The following NAALADL2 variants were observed in gnomAD, a reference collection of about 807,000 sequenced individuals.
NAALADL2 encodes inactive N-acetylated-alpha-linked acidic dipeptidase-like protein 2.
A neutral mutation model predicts 87.2 loss-of-function variants in NAALADL2; 76 were observed. The observed-to-expected ratio is 0.87, with a 90% confidence interval of 0.72 to 1.05. The LOEUF is 1.05. NAALADL2 is among the 50% of genes least tolerant of loss of function. The pLI, the probability that NAALADL2 is intolerant of heterozygous loss-of-function variation, is 0.00. For synonymous variants in NAALADL2, 354 were observed against 331.0 expected (o/e 1.07, Z -0.75); for missense variants, 1,089 against 945.8 (o/e 1.15, Z -1.99).
chr3:175,628,825 G>GTGTC (rs1302878910), intron 11 of NAALADL2, among the ~76,000 whole-genome samples: 1 of 150,352 alleles, frequency 6.7e-6, no homozygotes, highest in Non-Finnish European at 1.5e-5. Context: ...ACTAGAGCCT[G>GTGTC]TGTCTGTCTT....
At chr3:175,607,350 GTATAA>G (rs1420017039) in intron 10 of NAALADL2, among the ~76,000 whole-genome samples, 4 of 152,108 alleles carry the variant, frequency 2.6e-5, no homozygotes, top group African/African-American at 9.7e-5. Context: ...AGTAGTATGT[GTATAA>G]TTCATAATTA....
At chr3:175,737,937 C>T (rs1744738845) in intron 12 of NAALADL2, among the ~76,000 whole-genome samples, 1 of 151,840 alleles carries the variant, frequency 6.6e-6, no homozygotes, top group African/African-American at 2.4e-5. Context: ...TTGAATATAT[C>T]TCTCTCAGCA....
intron 3 of NAALADL2, 145 bp downstream of exon 3, chr3:175,234,349 G>A: frequency 1.2e-6 from 1 of 862,438 alleles, no homozygotes; most frequent in Non-Finnish European, 1.8e-6. Flanking sequence ...GGAAAGAGAA[G>A]GAAGATGTGG....
chr3:175,209,654 C>T (rs1161101333), intron 2 of NAALADL2, among the ~76,000 whole-genome samples: 2 of 151,846 alleles, frequency 1.3e-5, no homozygotes, highest in Non-Finnish European at 2.9e-5. Flanking sequence ...AGGAATAATA[C>T]ATGCTGCCAG....
chr3:175,516,188 A>G, intron 9 of NAALADL2, among the ~76,000 whole-genome samples: 1 of 152,216 alleles, frequency 6.6e-6, no homozygotes, highest in Non-Finnish European at 1.5e-5. Flanking sequence ...GTTGTCACTA[A>G]CATGCATAAG....
chr3:175,333,990 A>T (rs1247366937), intron 5 of NAALADL2, among the ~76,000 whole-genome samples: 1 of 152,126 alleles, frequency 6.6e-6, no homozygotes, highest in African/African-American at 2.4e-5. Context: ...TAACAATAAA[A>T]ATTGTCCAAT....
intron 11 of NAALADL2, among the ~76,000 whole-genome samples, chr3:175,667,239 GAAAA>G (rs58198155): frequency 0.043 from 3,553 of 82,010 alleles, 84 homozygotes; most frequent in Middle Eastern, 0.078. Flanking sequence ...AAGAAAGAAA[GAAAA>G]AGAAAGAAAG....
At chr3:175,246,600 A>T (rs1387572591) in intron 3 of NAALADL2, among the ~76,000 whole-genome samples, 1 of 152,160 alleles carries the variant, frequency 6.6e-6, no homozygotes, top group East Asian at 1.9e-4. Context: ...CCACAGGTGG[A>T]CTGTACCGGG....
At chr3:175,059,022 A>T (rs1309165149) in intron 1 of NAALADL2, among the ~76,000 whole-genome samples, 1 of 152,170 alleles carries the variant, frequency 6.6e-6, no homozygotes, top group Non-Finnish European at 1.5e-5. Flanking sequence ...TTGCTTTATA[A>T]TGGGTTTCTT....
chr3:174,814,158 G>T (rs1720526350), intron 3 of NAALADL2, among the ~76,000 whole-genome samples: 1 of 151,654 alleles, frequency 6.6e-6, no homozygotes, highest in Admixed American at 6.6e-5. Context: ...TCCCAGGCTG[G>T]AGTGCAGTGG....
At chr3:175,409,335 G>T (rs13083344) in intron 5 of NAALADL2, among the ~76,000 whole-genome samples, 124,389 of 151,656 alleles carry the variant, frequency 0.82, 51,315 homozygotes, top group African/African-American at 0.9. Flanking sequence ...ACCTACTTGT[G>T]GCAAAAGTTG....
intron 2 of NAALADL2, among the ~76,000 whole-genome samples, chr3:174,598,725 A>C (rs1718157848): frequency 6.6e-6 from 1 of 152,310 alleles, no homozygotes; most frequent in East Asian, 1.9e-4. Context: ...AGTTAACCAA[A>C]GAGAAGTCGA....
intron 1 of NAALADL2, among the ~76,000 whole-genome samples, chr3:175,021,703 G>T (rs1751581400): frequency 1.3e-5 from 2 of 152,022 alleles, no homozygotes; most frequent in African/African-American, 4.8e-5. Flanking sequence ...TTGTTGTATT[G>T]CTCTTTAATA....
intron 9 of NAALADL2, among the ~76,000 whole-genome samples, chr3:175,536,788 C>G (rs937632532): frequency 1.3e-5 from 2 of 152,142 alleles, no homozygotes; most frequent in African/African-American, 4.8e-5. Context: ...GCTGGGATTA[C>G]AGGCGTGAGA....
chr3:175,457,291 A>T (rs1452035553), intron 6 of NAALADL2, among the ~76,000 whole-genome samples: 2 of 151,992 alleles, frequency 1.3e-5, no homozygotes, highest in Non-Finnish European at 2.9e-5. Context: ...ACTCTGCTTC[A>T]GTTTGTCCCA....
At chr3:175,642,168 G>T (rs1346244059) in intron 11 of NAALADL2, among the ~76,000 whole-genome samples, 1 of 152,046 alleles carries the variant, frequency 6.6e-6, no homozygotes, top group African/African-American at 2.4e-5. Flanking sequence ...TTGCATTTTT[G>T]AATGTTTTCA....
chr3:174,761,660 C>T (rs1712977512), intron 3 of NAALADL2, among the ~76,000 whole-genome samples: 1 of 151,996 alleles, frequency 6.6e-6, no homozygotes, highest in Admixed American at 6.6e-5. Flanking sequence ...TACATGTACA[C>T]AATGTGCAGG....
At chr3:175,526,123 A>C (rs1733382483) in intron 9 of NAALADL2, among the ~76,000 whole-genome samples, 1 of 152,228 alleles carries the variant, frequency 6.6e-6, no homozygotes, top group Admixed American at 6.5e-5. Context: ...GTCTTGTCAA[A>C]TGCTAATCTT....
intron 2 of NAALADL2, chr3:175,115,308 T>A (rs1038909645): frequency 6.6e-6 from 1 of 151,648 alleles, no homozygotes; most frequent in Non-Finnish European, 1.5e-5. Context: ...GCTTGTGATT[T>A]TTTTTTCAAT....
Sources: gnomAD v4.1 joint callset for allele counts (sites outside exome capture counted in the v4.1 genomes callset) on GRCh38, gnomAD v4.1.1 for gene constraint, MANE v1.5 for transcripts, NCBI Gene and HGNC (gene_info 2026-07-23, HGNC 2026-07-21) for gene names.